CASK: variants seen among roughly 807,000 people sequenced by gnomAD.
CASK encodes calcium/calmodulin dependent serine protein kinase.
A neutral mutation model predicts 82.9 loss-of-function variants in CASK; 4 were observed. The observed-to-expected ratio is 0.05, with a 90% CI of 0.02 to 0.11. The LOEUF is 0.11. Ranked by LOEUF, CASK falls within the 10% of genes least tolerant of loss-of-function variation. The probability of loss-of-function intolerance (pLI) is 1.00; values close to 1 mark genes in which losing one functional copy is unlikely to be tolerated. For missense variants in CASK, 358 were observed against 720.9 expected, an observed-to-expected ratio of 0.50 and a Z score of 5.76; for synonymous variants, 259 against 253.5, an observed-to-expected ratio of 1.02 and a Z score of -0.20.
intron 1 of CASK, among the ~76,000 whole-genome samples, chrX:41,880,671 A>G (rs2071934370): frequency 8.9e-6 from 1 of 112,054 alleles, no homozygotes; most frequent in African/African-American, 3.2e-5. Context: ...CTCAAGCCTC[A>G]GTCTAGCCAG....
intron 3 of CASK, among the ~76,000 whole-genome samples, chrX:41,747,500 T>C (rs1203402316): frequency 2.7e-5 from 3 of 111,082 alleles, no homozygotes; most frequent in African/African-American, 6.6e-5. Flanking sequence ...AGTGCAGTGG[T>C]GCATCTCGGC....
chrX:41,545,839 C>T (rs909161401), intron 21 of CASK, among the ~76,000 whole-genome samples: 1 of 109,512 alleles, frequency 9.1e-6, no homozygotes, highest in African/African-American at 3.3e-5. Context: ...CCACCCCCGC[C>T]GAGACGAAGT....
chrX:41,600,680 T>C (rs1344485233), intron 12 of CASK, among the ~76,000 whole-genome samples: 1 of 112,467 alleles, frequency 8.9e-6, no homozygotes, highest in Non-Finnish European at 1.9e-5. Flanking sequence ...TAGTCATTAA[T>C]ACTTTCAGTG....
At chrX:41,612,657 G>T (rs2066100209) in intron 11 of CASK, among the ~76,000 whole-genome samples, 1 of 95,094 alleles carries the variant, frequency 1.1e-5, no homozygotes, top group Non-Finnish European at 2.1e-5. Flanking sequence ...GGGAGGTGGG[G>T]GGGTCAGACC....
intron 15 of CASK, among the ~76,000 whole-genome samples, chrX:41,575,434 T>C (rs1485159170): frequency 1.8e-5 from 2 of 111,733 alleles, no homozygotes; most frequent in Non-Finnish European, 3.8e-5. Flanking sequence ...ATTAGGAAAG[T>C]TATACTCCTG....
At chrX:41,529,342 G>T in intron 25 of CASK, among the ~76,000 whole-genome samples, 1 of 112,053 alleles carries the variant, frequency 8.9e-6, no homozygotes. Flanking sequence ...GGCTGTGCAA[G>T]GGCAAGGAGA....
chrX:41,707,390 C>A (rs759745234), intron 5 of CASK, among the ~76,000 whole-genome samples: 4 of 111,787 alleles, frequency 3.6e-5, no homozygotes, highest in Non-Finnish European at 7.5e-5. Context: ...AACCAGCTAG[C>A]CTCAGCTGAG....
intron 5 of CASK, among the ~76,000 whole-genome samples, chrX:41,717,444 C>T (rs1445202099): frequency 9.0e-6 from 1 of 111,239 alleles, no homozygotes; most frequent in Non-Finnish European, 1.9e-5. Flanking sequence ...TTCTATTGTC[C>T]CATCCAAAGG....
chrX:41,604,025 T>C (rs2065928009), intron 12 of CASK, among the ~76,000 whole-genome samples: 1 of 110,836 alleles, frequency 9.0e-6, no homozygotes, highest in South Asian at 3.8e-4. Flanking sequence ...TTCCAATGTA[T>C]CACATACAAA....
chrX:41,612,904 C>T (rs2066115367), intron 11 of CASK, among the ~76,000 whole-genome samples: 1 of 100,879 alleles, frequency 9.9e-6, no homozygotes, highest in African/African-American at 3.7e-5. Context: ...CCCCGCCCGG[C>T]CAGCCGCCCC....
chrX:41,848,071 T>C (rs1202761489), intron 2 of CASK, among the ~76,000 whole-genome samples: 1 of 112,601 alleles, frequency 8.9e-6, no homozygotes, highest in African/African-American at 3.2e-5. Flanking sequence ...TAGCTTTTTG[T>C]TTTAAGCTTT....
intron 26 of CASK, chrX:41,522,295 C>G (rs2064648390): frequency 8.9e-6 from 1 of 111,872 alleles, no homozygotes; most frequent in South Asian, 3.7e-4. Context: ...GACACCACAG[C>G]AGACAGGAAC....
intron 14 of CASK, among the ~76,000 whole-genome samples, chrX:41,579,978 G>T (rs1276090622): frequency 9.0e-6 from 1 of 111,684 alleles, no homozygotes; most frequent in Non-Finnish European, 1.9e-5. Flanking sequence ...TCTAAACTGG[G>T]ATTTGGGTGA....
intron 3 of CASK, among the ~76,000 whole-genome samples, chrX:41,749,283 C>A (rs1228362273): frequency 2.9e-5 from 3 of 103,146 alleles, no homozygotes; most frequent in African/African-American, 1.1e-4. Context: ...GACTCCATCT[C>A]AAAACAAAAA....
At chrX:41,656,016 A>G (rs1281723302) in intron 8 of CASK, among the ~76,000 whole-genome samples, 1 of 111,058 alleles carries the variant, frequency 9.0e-6, no homozygotes, top group Non-Finnish European at 1.9e-5. Context: ...TGCAATAAGT[A>G]GAATATGTTG....
At chrX:41,877,786 G>A (rs903210459) in intron 1 of CASK, among the ~76,000 whole-genome samples, 2 of 111,010 alleles carry the variant, frequency 1.8e-5, no homozygotes, top group African/African-American at 3.3e-5. Context: ...TACCATTGTA[G>A]ATATTATGGG....
intron 2 of CASK, among the ~76,000 whole-genome samples, chrX:41,817,926 C>T (rs1390348433): frequency 9.0e-6 from 1 of 111,011 alleles, no homozygotes; most frequent in Admixed American, 9.6e-5. Flanking sequence ...GGTTGGAAGA[C>T]TCAGTATCAT....
At chrX:41,577,530 T>C (rs922018786) in intron 15 of CASK, among the ~76,000 whole-genome samples, 1 of 111,938 alleles carries the variant, frequency 8.9e-6, no homozygotes, top group African/African-American at 3.2e-5. Flanking sequence ...ATCCTTAACA[T>C]GTCTTCCAAC....
intron 1 of CASK, among the ~76,000 whole-genome samples, chrX:41,869,793 A>G (rs1238279472): frequency 2.5e-5 from 2 of 81,309 alleles, no homozygotes; most frequent in Non-Finnish European, 2.3e-5. Flanking sequence ...AGCCTGGGTG[A>G]TGAAGTAAGA....
Sources: gnomAD v4.1 joint callset for allele counts (sites outside exome capture counted in the v4.1 genomes callset) on GRCh38, gnomAD v4.1.1 for gene constraint, MANE v1.5 for transcripts, NCBI Gene and HGNC (gene_info 2026-07-23, HGNC 2026-07-21) for gene names.